The following PSMA1 variants were observed in gnomAD, a reference collection of about 807,000 sequenced individuals.
PSMA1 encodes the protein proteasome subunit alpha type-1.
In PSMA1, 3 loss-of-function variants were observed where a neutral mutation model predicts 38.4. The observed-to-expected ratio is 0.08, with a 90% CI of 0.04 to 0.20. The LOEUF (loss-of-function observed/expected upper bound fraction) is 0.20, where lower values mean the gene tolerates loss of function less well. Among genes scored for constraint, PSMA1 ranks in the 10% least tolerant of loss-of-function variants. The probability of loss-of-function intolerance (pLI) is 1.00; values close to 1 mark genes in which losing one functional copy is unlikely to be tolerated. For synonymous variants in PSMA1, 101 were observed against 107.1 expected, an observed-to-expected ratio of 0.94 and a Z score of 0.35; for missense variants, 227 against 325.3, an observed-to-expected ratio of 0.70 and a Z score of 2.32.
intron 1 of PSMA1, among the ~76,000 whole-genome samples, chr11:14,626,330 T>C (rs1379820894): frequency 6.6e-6 from 1 of 152,226 alleles, no homozygotes; most frequent in African/African-American, 2.4e-5. Flanking sequence ...GCCTAGTCAA[T>C]TGTTTGAAAA....
At chr11:14,564,757 T>C (rs1210945014) in intron 2 of PSMA1, among the ~76,000 whole-genome samples, 7 of 151,988 alleles carry the variant, frequency 4.6e-5, no homozygotes, top group Admixed American at 2.6e-4. Flanking sequence ...TTAATAGTTA[T>C]AGTACTTTTC....
intron 2 of PSMA1, among the ~76,000 whole-genome samples, chr11:14,554,247 A>G (rs547293658): frequency 3.4e-4 from 52 of 152,226 alleles, no homozygotes; most frequent in African/African-American, 1.2e-3. Flanking sequence ...GTTTGCAGAC[A>G]CCTTCTTTCA....
chr11:14,640,744 C>T (rs1031031678), intron 1 of PSMA1, among the ~76,000 whole-genome samples: 1 of 152,034 alleles, frequency 6.6e-6, no homozygotes, highest in African/African-American at 2.4e-5. Flanking sequence ...AATATAAGGT[C>T]GTAAATGTTA....
At chr11:14,513,546 A>T in intron 7 of PSMA1, 24 bp downstream of exon 7, 1 of 1,423,614 alleles carries the variant, frequency 7.0e-7, no homozygotes, top group Non-Finnish European at 9.2e-7. Context: ...AAAAAAAAAA[A>T]AAAAAAGCAA....
chr11:14,607,630 T>C (rs1316250285), intron 2 of PSMA1, among the ~76,000 whole-genome samples: 1 of 152,032 alleles, frequency 6.6e-6, no homozygotes, highest in African/African-American at 2.4e-5. Flanking sequence ...AAGAGATTTA[T>C]TGGCAGGGGG....
intron 2 of PSMA1, among the ~76,000 whole-genome samples, chr11:14,596,450 G>T (rs2134191141): frequency 6.6e-6 from 1 of 152,138 alleles, no homozygotes; most frequent in East Asian, 1.9e-4. Context: ...TCCTTGAAGA[G>T]GTCCTTCACG....
At chr11:14,587,423 C>T (rs939005535) in intron 2 of PSMA1, among the ~76,000 whole-genome samples, 9 of 152,236 alleles carry the variant, frequency 5.9e-5, no homozygotes, top group Non-Finnish European at 7.3e-5. Context: ...GCTCTGGTGA[C>T]AACTGCTCCT....
At chr11:14,550,160 A>G (rs1267516267) in intron 2 of PSMA1, among the ~76,000 whole-genome samples, 1 of 152,194 alleles carries the variant, frequency 6.6e-6, no homozygotes, top group Admixed American at 6.5e-5. Flanking sequence ...GCTTATTATT[A>G]TTATTTCAAG....
intron 1 of PSMA1, among the ~76,000 whole-genome samples, chr11:14,633,303 C>T (rs1350713282): frequency 6.6e-6 from 1 of 152,162 alleles, no homozygotes; most frequent in Non-Finnish European, 1.5e-5. Flanking sequence ...TGGTGATGTA[C>T]AGATGGGTTT....
At chr11:14,513,934 C>T (rs766348688) in intron 5 of PSMA1, 47 bp from the exon 6 acceptor site, 8 of 1,529,596 alleles carry the variant, frequency 5.2e-6, no homozygotes, top group Middle Eastern at 2.4e-4. Context: ...GAAGTACTGT[C>T]TTTATTTTCA....
At chr11:14,529,977 T>C (rs1300632909) in intron 2 of PSMA1, among the ~76,000 whole-genome samples, 2 of 152,216 alleles carry the variant, frequency 1.3e-5, no homozygotes. Context: ...GAATGTTAGC[T>C]CCATGAAGCG....
chr11:14,586,795 T>C (rs1462388474), intron 2 of PSMA1, among the ~76,000 whole-genome samples: 1 of 152,000 alleles, frequency 6.6e-6, no homozygotes, highest in East Asian at 1.9e-4. Context: ...GGAGTCTTGC[T>C]CTGTCACCAG....
rs1286301131 is a variant in PSMA1, at chr11:14,505,150, T to C, written c.*42A>G. ...TTGTCATCAGTATGTGGTGCCTGTA[T>C]TCTTACATATTTGATAATACATATA... On this transcript the variant is annotated 3_prime_UTR_variant, in exon 10 of 10. Transcript: ENST00000396394. The C allele has an allele frequency of 3.3e-6, 5 of 1,525,476 alleles. No individual in the cohort carries two copies. Among genetic ancestry groups the C allele is most frequent in the Non-Finnish European group, 4.5e-6 (5 of 1,099,806 alleles). The allele number at this position is 1,525,476 out of a possible 1,614,324, so 94.5% of individuals were successfully genotyped here.
In PSMA1 at chr11:14,564,784, C is replaced by CTT. The variant is rs199728530; in HGVS notation, c.22-45745_22-45744dup. On this transcript the variant is annotated intron_variant, in intron 2 of 10. Coordinates refer to the PSMA1 transcript ENST00000418988. ...GTACTTTTCTTTTCTTTCTTTCTTTCTTTTTTTTTTTTTGAGAAGGGTCCC... is the reference window on the plus strand; with the variant it reads ...GTACTTTTCTTTTCTTTCTTTCTTTCTTTTTTTTTTTTTTTGAGAAGGGTCCC... Among the ~76,000 whole-genome samples, 41 of 142,704 alleles carry CTT rather than the reference C, an allele frequency of 2.9e-4. 1 individual carries two copies. The East Asian group carries it at 5.9e-3, about 20-fold the overall frequency. 93.6% of individuals were successfully genotyped at this position (142,704 alleles called of 152,430 possible). A position where few individuals can be genotyped will look rare whatever the true frequency, so the allele number is the denominator to read the frequency against.
At chr11:14,507,906 G>GA (rs1286249872) in intron 8 of PSMA1, 140 bp from the exon 9 acceptor site, 1 of 591,022 alleles carries the variant, frequency 1.7e-6, no homozygotes, top group African/African-American at 1.9e-5. Flanking sequence ...ATGTGTAGGA[G>GA]AAAAAAGAAG....
At chr11:14,581,254 G>C (rs1189309060) in intron 2 of PSMA1, among the ~76,000 whole-genome samples, 1 of 152,148 alleles carries the variant, frequency 6.6e-6, no homozygotes, top group Admixed American at 6.5e-5. Flanking sequence ...TAATTCATAG[G>C]CTGGCAACCT....
intron 2 of PSMA1, among the ~76,000 whole-genome samples, chr11:14,583,207 CTT>C (rs1852303304): frequency 2.0e-5 from 3 of 152,210 alleles, no homozygotes. Context: ...TCTTCTTCCT[CTT>C]TGTTTTCCTC....
intron 2 of PSMA1, among the ~76,000 whole-genome samples, chr11:14,601,748 T>C: frequency 6.6e-6 from 1 of 152,174 alleles, no homozygotes; most frequent in South Asian, 2.1e-4. Flanking sequence ...TCAGGTAACT[T>C]GTCCGAGGCC....
At chr11:14,513,967 T>C (rs1025252510) in intron 5 of PSMA1, 80 bp from the exon 6 acceptor site, 2 of 1,439,278 alleles carry the variant, frequency 1.4e-6, no homozygotes, top group Non-Finnish European at 1.8e-6. Flanking sequence ...TTAACAAAGG[T>C]CTCTGGCTTA....
Sources: gnomAD v4.1 joint callset for allele counts (sites outside exome capture counted in the v4.1 genomes callset) on GRCh38, gnomAD v4.1.1 for gene constraint, MANE v1.5 for transcripts, NCBI Gene and HGNC (gene_info 2026-07-23, HGNC 2026-07-21) for gene names.